ACOT9: variants seen among roughly 807,000 people sequenced by gnomAD.
ACOT9 encodes acyl-CoA thioesterase 9.
Under a neutral mutation model 39.7 loss-of-function variants are expected in ACOT9, and 34 were observed. The ratio of observed to expected loss-of-function variants is 0.86; its 90% CI spans 0.65 to 1.14. The LOEUF (loss-of-function observed/expected upper bound fraction) is 1.14, where lower values mean the gene tolerates loss of function less well. ACOT9 is among the 50% of genes most tolerant of loss of function. ACOT9 has a pLI of 0.00. For missense variants in ACOT9, 313 were observed against 344.1 expected (o/e 0.91, Z 0.71); for synonymous variants, 110 against 120.5 (o/e 0.91, Z 0.57).
Position 23,708,211 on chromosome X carries a change from T to C in ACOT9, c.663-267A>G, listed in dbSNP as rs767160621. ...CTAATCATGAGGAAACAGTCAAATA[T>C]AGGTTGTAGAACACTCTACAAGAAA... On this transcript the variant is annotated intron_variant, in intron 9 of 15. Transcript: ENST00000379303. Among the ~76,000 whole-genome samples, 4 of 112,316 alleles carry C rather than the reference T, an allele frequency of 3.6e-5. No homozygotes were observed. The East Asian group carries it at 1.1e-3, about 31-fold the overall frequency.
intron 4 of ACOT9, among the ~76,000 whole-genome samples, chrX:23,731,239 G>T (rs1929731751): frequency 8.9e-6 from 1 of 112,001 alleles, no homozygotes; most frequent in Non-Finnish European, 1.9e-5. Context: ...ATTTTGGGAG[G>T]CCAAGGCGGG....
intron 8 of ACOT9, among the ~76,000 whole-genome samples, chrX:23,716,545 T>C (rs1459802037): frequency 8.9e-6 from 1 of 111,966 alleles, no homozygotes; most frequent in Non-Finnish European, 1.9e-5. Flanking sequence ...AACGCAAACA[T>C]GAATAACTCC....
intron 15 of ACOT9, among the ~76,000 whole-genome samples, chrX:23,704,423 G>A (rs1350581542): frequency 9.6e-6 from 1 of 103,827 alleles, no homozygotes; most frequent in Admixed American, 1.1e-4. Flanking sequence ...CTCGTGATCT[G>A]CCCGTCTCGG....
At chrX:23,729,074 C>A (rs867996981) in intron 6 of ACOT9, among the ~76,000 whole-genome samples, 1 of 111,028 alleles carries the variant, frequency 9.0e-6, no homozygotes, top group Non-Finnish European at 1.9e-5. Context: ...CCTGCCACCC[C>A]CCCCCACATA....
At chrX:23,711,739 G>T (rs963892644) in intron 9 of ACOT9, among the ~76,000 whole-genome samples, 5 of 111,545 alleles carry the variant, frequency 4.5e-5, no homozygotes, top group Non-Finnish European at 7.5e-5. Flanking sequence ...CTTCACAAAG[G>T]AGAGATTAGG....
Position 23,741,592 on chromosome X carries a change from AG to A in ACOT9, c.20+1532del, listed in dbSNP as rs1181909452. Reference sequence around the variant, plus strand: ...AAAGAAGCTACAAAGGTTGCCCACCAGTCAAAGAACCTAATCATCTCAGTCT... The same window carrying A: ...AAAGAAGCTACAAAGGTTGCCCACCATCAAAGAACCTAATCATCTCAGTCT... On this transcript the variant is annotated intron_variant, in intron 1 of 15. Coordinates refer to ENST00000379303, the MANE Select transcript of ACOT9 (RefSeq NM_001037171.2). Among the ~76,000 whole-genome samples the A allele has an allele frequency of 3.1e-4, 35 of 112,378 alleles. 1 individual carries two copies. Among genetic ancestry groups the A allele is most frequent in the African/African-American group, 1.1e-3 (33 of 31,034 alleles).
At chrX:23,730,020 A>G (rs1285615802) in intron 6 of ACOT9, among the ~76,000 whole-genome samples, 1 of 110,918 alleles carries the variant, frequency 9.0e-6, no homozygotes, top group East Asian at 2.8e-4. Flanking sequence ...GATTATTCAG[A>G]CTATACCTCC....
chrX:23,704,172 T>TG (rs1451080336), intron 15 of ACOT9, among the ~76,000 whole-genome samples, 190 bp from the exon 16 acceptor site: 2 of 91,291 alleles, frequency 2.2e-5, no homozygotes, highest in Non-Finnish European at 2.2e-5. Flanking sequence ...ATCAGTTTTT[T>TG]TTTTTTTTTT....
rs1368492810 is a variant in ACOT9 at position 23,703,567 on chromosome X, C to T, written c.*327G>A. On this transcript the variant is annotated 3_prime_UTR_variant, in exon 16 of 16. Transcript: ENST00000379303. ...TCTCCTGACTTCATGATCCGCCCGC[C>T]TCAGCCTCCCAAAGTGCTGGGATTA... 1 of 151,259 alleles carries T rather than the reference C, an allele frequency of 6.6e-6. No individual in the cohort carries two copies. The highest frequency in any genetic ancestry group is 1.9e-4 in the East Asian group (1 of 5,345). The allele number at this position is 151,259 out of a possible 1,213,427, so 12.5% of individuals were successfully genotyped here. A position where few individuals can be genotyped will look rare whatever the true frequency, so the allele number is the denominator to read the frequency against.
chrX:23,729,076 C>T (rs967957842), intron 6 of ACOT9, among the ~76,000 whole-genome samples: 1 of 111,167 alleles, frequency 9.0e-6, no homozygotes, highest in African/African-American at 3.3e-5. Context: ...TGCCACCCCC[C>T]CCCACATAAG....
chrX:23,743,118 C>T lies in ACOT9; in HGVS notation c.20+7G>A. The T allele has an allele frequency of 8.6e-7, 1 of 1,157,488 alleles. No homozygotes were observed. The highest frequency in any genetic ancestry group is 1.2e-6 in the Non-Finnish European group (1 of 867,363). On this transcript the variant is annotated splice_region_variant and intron_variant, in intron 1 of 15. Coordinates refer to ENST00000379303, the MANE Select transcript of ACOT9 (RefSeq NM_001037171.2). ...CCTGCCAGCCCCTTCCACGCCCCGC[C>T]ACCTACCGCAGTGCTGCCCGCCTCA...
At chrX:23,732,142 G>C (rs1027444341) in intron 4 of ACOT9, among the ~76,000 whole-genome samples, 38 of 112,043 alleles carry the variant, frequency 3.4e-4, no homozygotes, top group Admixed American at 4.8e-4. Context: ...GATTAGGGAA[G>C]ACTAAAGAGT....
chrX:23,722,653 A>C lies in ACOT9; in HGVS notation c.484+17T>G, dbSNP rs1355972155. 2.8e-6 allele frequency: 3 copies of C among 1,087,759 alleles called. No individual in the cohort carries two copies. Among genetic ancestry groups the C allele is most frequent in the Non-Finnish European group, 3.8e-6 (3 of 791,642 alleles). The allele number at this position is 1,087,759 out of a possible 1,213,427, so 89.6% of individuals were successfully genotyped here. A position where few individuals can be genotyped will look rare whatever the true frequency, so the allele number is the denominator to read the frequency against. ...TACTAAGAATTCTAAGTATGCATAG[A>C]AAATGATATCACTTACCAATCTTAT... On this transcript the variant is annotated intron_variant, in intron 7 of 15. Transcript: ENST00000379303.
In ACOT9 at chrX:23,704,917, G is replaced by C. The variant is rs985225997; in HGVS notation, c.1108-73C>G. 1.3e-5 allele frequency: 15 copies of C among 1,172,357 alleles called. No individual in the cohort carries two copies. The African/African-American group carries it at 2.3e-4, about 18-fold the overall frequency. On this transcript the variant is annotated intron_variant, in intron 14 of 15. Coordinates refer to ENST00000379303, the MANE Select transcript of ACOT9 (RefSeq NM_001037171.2). ...AAAAAGGCAGTCATAAGAGAAAACA[G>C]TGGCTTTTTGATATAGAAACTTCTA...
chrX:23,711,044 C>A (rs192846519), intron 9 of ACOT9, among the ~76,000 whole-genome samples: 1 of 110,492 alleles, frequency 9.1e-6, no homozygotes, highest in Non-Finnish European at 1.9e-5. Flanking sequence ...ACGGGCTGGG[C>A]GAAATGACTC....
At chrX:23,706,891 T>C (rs193009863) in intron 10 of ACOT9, 152 bp from the exon 11 acceptor site, 355 of 406,731 alleles carry the variant, frequency 8.7e-4, no homozygotes, top group Non-Finnish European at 1.4e-3. Context: ...CAGTGAGTCT[T>C]TGGTTCCACA....
intron 6 of ACOT9, among the ~76,000 whole-genome samples, chrX:23,725,303 TCTACTA>T (rs1348776946): frequency 9.5e-6 from 1 of 105,113 alleles, no homozygotes; most frequent in Non-Finnish European, 1.9e-5. Flanking sequence ...AAACCCCATC[TCTACTA>T]AAGATACAAA....
chrX:23,723,869 A>G (rs937117999), intron 6 of ACOT9, among the ~76,000 whole-genome samples: 2 of 112,153 alleles, frequency 1.8e-5, no homozygotes, highest in Non-Finnish European at 3.8e-5. Flanking sequence ...AGGAGTAGAA[A>G]TGAAAAGACT....
chrX:23,729,636 T>TC (rs397735118), intron 6 of ACOT9, among the ~76,000 whole-genome samples: 196 of 111,520 alleles, frequency 1.8e-3, no homozygotes, highest in African/African-American at 6.2e-3. Context: ...AAAATTTTTT[T>TC]CTTTTTTATT....
Sources: allele counts gnomAD v4.1 joint callset (sites outside exome capture counted in the v4.1 genomes callset), GRCh38; gene constraint gnomAD v4.1.1; transcripts MANE v1.5; gene names NCBI Gene and HGNC (gene_info 2026-07-23, HGNC 2026-07-21).